FOXP1: variants seen among roughly 807,000 people sequenced by gnomAD.
FOXP1 encodes forkhead box protein P1.
In FOXP1, 15 loss-of-function variants were observed where a neutral mutation model predicts 98.2. The ratio of observed to expected loss-of-function variants is 0.15; its 90% CI spans 0.10 to 0.24. FOXP1 has a LOEUF of 0.24. Among genes scored for constraint, FOXP1 ranks in the 10% least tolerant of loss-of-function variants. FOXP1 has a pLI of 1.00. For synonymous variants in FOXP1, 371 were observed against 314.5 expected (o/e 1.18, Z -1.90); for missense variants, 633 against 848.5 (o/e 0.75, Z 3.15).
intron 3 of FOXP1, among the ~76,000 whole-genome samples, chr3:71,383,484 C>A (rs181322696): frequency 4.1e-4 from 62 of 152,186 alleles, no homozygotes; most frequent in Non-Finnish European, 7.5e-4. Context: ...AGGGCATGCA[C>A]TTTGAATCAA....
intron 5 of FOXP1, among the ~76,000 whole-genome samples, chr3:71,250,263 C>T (rs2068077401): frequency 6.6e-6 from 1 of 152,190 alleles, no homozygotes; most frequent in South Asian, 2.1e-4. Context: ...GAAAGTCATT[C>T]CTGGTTGAGA....
chr3:71,519,387 G>A (rs1278518004), intron 2 of FOXP1, among the ~76,000 whole-genome samples: 2 of 152,200 alleles, frequency 1.3e-5, no homozygotes, highest in African/African-American at 4.8e-5. Context: ...CTAGACATTA[G>A]ATTTCATGTT....
intron 2 of FOXP1, among the ~76,000 whole-genome samples, chr3:71,516,077 CA>C (rs920290471): frequency 6.6e-5 from 10 of 152,128 alleles, no homozygotes; most frequent in African/African-American, 2.4e-4. Flanking sequence ...CTGGACTAGG[CA>C]AAACAACAGC....
chr3:70,977,634 T>C lies in FOXP1; in HGVS notation c.1428+9A>G, dbSNP rs373976764. On this transcript the variant is annotated intron_variant, in intron 16 of 20. Transcript: ENST00000649528. ...TGACAGAATTTCATATACTGTGTTA[T>C]TTACTTACCTGCCTAATTAAAGATG... 138 of 1,601,424 alleles carry C rather than the reference T, an allele frequency of 8.6e-5. 5 individuals carry two copies. Among genetic ancestry groups the C allele is most frequent in the African/African-American group, 5.2e-4 (39 of 74,668 alleles).
At chr3:71,089,097 A>C (rs1559905198) in intron 7 of FOXP1, among the ~76,000 whole-genome samples, 1 of 152,184 alleles carries the variant, frequency 6.6e-6, no homozygotes, top group Non-Finnish European at 1.5e-5. Flanking sequence ...AGTGGCACCC[A>C]ACCTCCGAAA....
chr3:71,040,534 A>G (rs2048201633), intron 11 of FOXP1: 1 of 152,338 alleles, frequency 6.6e-6, no homozygotes, highest in South Asian at 2.1e-4. Flanking sequence ...AGAATACCAT[A>G]ACATGAATTA....
chr3:71,233,150 G>C (rs534075351), intron 5 of FOXP1, among the ~76,000 whole-genome samples: 1 of 146,286 alleles, frequency 6.8e-6, no homozygotes, highest in Admixed American at 7.1e-5. Flanking sequence ...ATCTCCCCAA[G>C]AAAGAAAAGA....
chr3:71,058,912 A>G (rs570206090), intron 7 of FOXP1, among the ~76,000 whole-genome samples: 2 of 151,846 alleles, frequency 1.3e-5, no homozygotes, highest in African/African-American at 4.8e-5. Context: ...AAAGCATGCT[A>G]TTTATGTGGA....
At position 71,009,828 on chromosome 3, in the gene FOXP1, G is replaced by A. The variant is rs372842622; in HGVS notation, c.974+5721C>T. Among the ~76,000 whole-genome samples, 65 of 152,006 alleles carry A rather than the reference G, an allele frequency of 4.3e-4. 1 individual carries two copies. In the South Asian group the frequency reaches 0.012, roughly 29 times the overall value. On this transcript the variant is annotated intron_variant, in intron 12 of 20. Coordinates refer to ENST00000649528, the MANE Select transcript of FOXP1 (RefSeq NM_001349338.3). Reference sequence around the variant, plus strand: ...CAGTGGCATTATCATAGCTCACTGCGGCCTCGAACTTCTGGGCTCAAGTGA... The same window carrying A: ...CAGTGGCATTATCATAGCTCACTGCAGCCTCGAACTTCTGGGCTCAAGTGA...
At chr3:71,109,202 AT>A (rs1021782260) in intron 7 of FOXP1, among the ~76,000 whole-genome samples, 2 of 152,156 alleles carry the variant, frequency 1.3e-5, no homozygotes, top group African/African-American at 4.8e-5. Context: ...AAAGAGTGCC[AT>A]TTCTCTCTTA....
chr3:71,513,948 T>G (rs2042380842), intron 2 of FOXP1, among the ~76,000 whole-genome samples: 1 of 152,206 alleles, frequency 6.6e-6, no homozygotes, highest in African/African-American at 2.4e-5. Context: ...TTCTTTCCAT[T>G]TCTAATAAAA....
At chr3:71,252,805 A>G (rs1176330614) in intron 5 of FOXP1, among the ~76,000 whole-genome samples, 1 of 152,250 alleles carries the variant, frequency 6.6e-6, no homozygotes, top group Non-Finnish European at 1.5e-5. Context: ...CCTCAACTGC[A>G]AAACATGGTC....
chr3:71,103,365 TA>T (rs2057138340), intron 7 of FOXP1, among the ~76,000 whole-genome samples: 1 of 152,326 alleles, frequency 6.6e-6, no homozygotes, highest in East Asian at 1.9e-4. Context: ...CCAATAGAAA[TA>T]ATAAGTGTAG....
intron 12 of FOXP1, among the ~76,000 whole-genome samples, chr3:71,002,638 A>G (rs779322024): frequency 1.3e-5 from 2 of 152,188 alleles, no homozygotes; most frequent in African/African-American, 2.4e-5. Flanking sequence ...ACTGCATGCA[A>G]AAGTTTTAGC....
intron 8 of FOXP1, among the ~76,000 whole-genome samples, chr3:71,053,115 T>C (rs1402475139): frequency 6.6e-6 from 1 of 152,162 alleles, no homozygotes; most frequent in Non-Finnish European, 1.5e-5. Context: ...AGTCTGAATA[T>C]TAGGTCCCCA....
In FOXP1 at chr3:71,174,785, TACACACACAC is replaced by T. The variant is rs3064896; in HGVS notation, c.180+23407_180+23416del. 6.1e-3 allele frequency among the ~76,000 whole-genome samples: 803 copies of T among 131,754 alleles called. 5 individuals carry two copies. Among genetic ancestry groups the T allele is most frequent in the Non-Finnish European group, 9.5e-3 (576 of 60,832 alleles). The allele number at this position is 131,754 out of a possible 152,430, so 86.4% of individuals were successfully genotyped here. A position where few individuals can be genotyped will look rare whatever the true frequency, so the allele number is the denominator to read the frequency against. ...CGAATACACAATGTATGCACATGCA[TACACACACAC>T]ACACACACACACACACACACACACA... On this transcript the variant is annotated intron_variant, in intron 6 of 20. Transcript: ENST00000649528.
At chr3:71,179,467 AGAT>A (rs2062156288) in intron 6 of FOXP1, among the ~76,000 whole-genome samples, 1 of 152,222 alleles carries the variant, frequency 6.6e-6, no homozygotes. Context: ...AGCTGGAAGA[AGAT>A]GAAGAGGGGA....
chr3:71,087,502 TGAC>T (rs992699149), intron 7 of FOXP1, among the ~76,000 whole-genome samples: 1 of 152,190 alleles, frequency 6.6e-6, no homozygotes, highest in Non-Finnish European at 1.5e-5. Flanking sequence ...CATCACAAAA[TGAC>T]AACAAAAGTC....
intron 2 of FOXP1, among the ~76,000 whole-genome samples, chr3:71,497,884 C>G (rs1187964859): frequency 6.6e-6 from 1 of 152,132 alleles, no homozygotes; most frequent in African/African-American, 2.4e-5. Context: ...ATTAAAAGCC[C>G]ATTGAAATAT....
Sources: allele counts gnomAD v4.1 joint callset (sites outside exome capture counted in the v4.1 genomes callset), GRCh38; gene constraint gnomAD v4.1.1; transcripts MANE v1.5; gene names NCBI Gene and HGNC (gene_info 2026-07-23, HGNC 2026-07-21).